Variants in ARHGAP36 observed in about 807,000 individuals in gnomAD.
The protein encoded by ARHGAP36 is Rho GTPase activating protein 36.
ARHGAP36 carries 7 observed loss-of-function variants against 32.9 expected under a neutral mutation model. That is an observed-to-expected ratio of 0.21 (90% confidence interval 0.12 to 0.40). The LOEUF is 0.40. Ranked by LOEUF, ARHGAP36 falls within the 10% of genes least tolerant of loss-of-function variation. The pLI is 1.00. For synonymous variants in ARHGAP36, 165 were observed against 168.3 expected (o/e 0.98, Z 0.15); for missense variants, 383 against 442.2 (o/e 0.87, Z 1.20).
chrX:131,084,542 A>G, intron 5 of ARHGAP36, 84 bp from the exon 6 acceptor site: 1 of 1,153,516 alleles, frequency 8.7e-7, no homozygotes, highest in Non-Finnish European at 1.2e-6. Flanking sequence ...GGAGGTCGCG[A>G]TGCAGTAGGG....
At chrX:131,073,338 A>T (rs929949131) in intron 1 of ARHGAP36, among the ~76,000 whole-genome samples, 3 of 112,537 alleles carry the variant, frequency 2.7e-5, no homozygotes, top group Non-Finnish European at 3.8e-5. Context: ...CCTAAAGGCC[A>T]TGCTCTGCAG....
chrX:131,071,890 TG>T (rs373098823), intron 1 of ARHGAP36, among the ~76,000 whole-genome samples: 4 of 110,888 alleles, frequency 3.6e-5, no homozygotes, highest in East Asian at 2.8e-4. Context: ...AGAATTCAAT[TG>T]GGGGGGGTGT....
chrX:131,086,148 G>A, intron 9 of ARHGAP36, 59 bp downstream of exon 9: 1 of 1,174,396 alleles, frequency 8.5e-7, no homozygotes, highest in Non-Finnish European at 1.2e-6. Context: ...CACAAGGCAA[G>A]GCACAGTTGT....
At position 131,083,594 on chromosome X, in the gene ARHGAP36, C is replaced by T. The variant is rs1034438629; in HGVS notation, c.320-140C>T. On this transcript the variant is annotated intron_variant, in intron 3 of 11. Transcript: ENST00000276211. ...TGCGGGGTCTTTTTGGCTAGCTCCC[C>T]AGGGAGGGGCGCTGCGGTTCTGGAG... The T allele has an allele frequency of 4.8e-6, 3 of 624,800 alleles. No individual in the cohort carries two copies. The African/African-American group carries it at 6.6e-5, about 14-fold the overall frequency. The allele number at this position is 624,800 out of a possible 1,213,427, so 51.5% of individuals were successfully genotyped here.
At chrX:131,078,751 G>A in intron 1 of ARHGAP36, 16 of 981,080 alleles carry the variant, frequency 1.6e-5, no homozygotes, top group Non-Finnish European at 2.1e-5. Context: ...AAGGTTGAAA[G>A]CAAGTAAGGC....
At chrX:131,073,943 G>A (rs1352471181) in intron 1 of ARHGAP36, among the ~76,000 whole-genome samples, 1 of 111,353 alleles carries the variant, frequency 9.0e-6, no homozygotes, top group Non-Finnish European at 1.9e-5. Context: ...AAACTACAGG[G>A]AAAAACATCT....
Position 131,081,589 on chromosome X carries a change from C to G in ARHGAP36, c.-77C>G. ...CCTCCCAGTTTTCCCTCCCCCTCTA[C>G]CCCCACCCCCATAGTTCTCTCCACC... is the stretch of plus-strand genomic sequence containing the variant. On this transcript the variant is annotated 5_prime_UTR_variant, in exon 2 of 12. Transcript: ENST00000276211. 1.1e-6 allele frequency: 1 copy of G among 875,210 alleles called. No individual in the cohort carries two copies. The highest frequency in any genetic ancestry group is 1.5e-6 in the Non-Finnish European group (1 of 666,065). 72.1% of individuals were successfully genotyped at this position (875,210 alleles called of 1,213,427 possible). A position where few individuals can be genotyped will look rare whatever the true frequency, so the allele number is the denominator to read the frequency against.
At position 131,072,570 on chromosome X, in the gene ARHGAP36, T is replaced by A. The variant is rs770052325; in HGVS notation, c.-142-8954T>A. On this transcript the variant is annotated intron_variant, in intron 1 of 11. Transcript: ENST00000276211. ...TTGGCTCTGCCACTAATTAGCTGTG[T>A]CCTTGGGTAAGTTTCTTAACCATCT... Among the ~76,000 whole-genome samples, 3 of 112,111 alleles carry A rather than the reference T, an allele frequency of 2.7e-5. No homozygotes were observed. The East Asian group carries it at 8.5e-4, about 32-fold the overall frequency.
At position 131,086,340 on chromosome X, in the gene ARHGAP36, T is replaced by C. The variant is rs775177218; in HGVS notation, c.1293T>C (p.His431=). Residue 431 remains histidine (H), a synonymous_variant, in exon 10 of 12, where the codon CAT becomes CAC. Transcript: ENST00000276211. ...NWDVLFQVPP[H]IQRQVAKRVW... is the part of the protein sequence containing the mutation. Reference sequence around the variant, plus strand: ...AATTCTACCCTCAGGTGCCTCCCCATATTCAGAGGCAGGTTGCTAAGCGCG... The same window carrying C: ...AATTCTACCCTCAGGTGCCTCCCCACATTCAGAGGCAGGTTGCTAAGCGCG... 8.3e-7 allele frequency: 1 copy of C among 1,211,676 alleles called. No individual in the cohort carries two copies. Among genetic ancestry groups the C allele is most frequent in the Non-Finnish European group, 1.1e-6 (1 of 895,427 alleles).
chrX:131,087,288 T>G (rs1013090743), intron 11 of ARHGAP36, among the ~76,000 whole-genome samples: 2 of 111,794 alleles, frequency 1.8e-5, no homozygotes, highest in African/African-American at 6.5e-5. Flanking sequence ...TCCCAGCTGT[T>G]GATGAAGTTC....
chrX:131,075,935 C>T lies in ARHGAP36; in HGVS notation c.-142-5589C>T, dbSNP rs747274800. Reference sequence around the variant, plus strand: ...AACTTTAGATAAGTCACAGCCTCTCCAAAGTCTTAGTTTGTTGCTATTGTA... The same window carrying T: ...AACTTTAGATAAGTCACAGCCTCTCTAAAGTCTTAGTTTGTTGCTATTGTA... On this transcript the variant is annotated intron_variant, in intron 1 of 11. Transcript: ENST00000276211. Among the ~76,000 whole-genome samples, 3 of 111,607 alleles carry T rather than the reference C, an allele frequency of 2.7e-5. No individual in the cohort carries two copies. In the South Asian group the frequency reaches 1.1e-3, roughly 42 times the overall value.
In ARHGAP36 at chrX:131,083,884, G is replaced by C; in HGVS notation, c.470G>C (p.Arg157Thr). The C allele has an allele frequency of 2.5e-6, 3 of 1,212,328 alleles. No homozygotes were observed. Among genetic ancestry groups the C allele is most frequent in the Non-Finnish European group, 3.3e-6 (3 of 895,675 alleles). Residue 157 changes from arginine (R) to threonine (T), a missense_variant, in exon 4 of 12, where the codon AGG becomes ACG. Physicochemically the swap from Arg to Thr is moderately conservative, Grantham distance 71. Around this residue, in one of 2 missense-constraint regions of ARHGAP36, gnomAD observed 156 missense variants for 131.0 expected, o/e 1.19. Transcript: ENST00000276211. ...AGRRRGNVVR[R>T]VFGRIRRFFS... The stretch of plus-strand genomic sequence containing the variant: ...CGTCGTCGGGGAAACGTGGTGCGAA[G>C]GGTGTTTGGCCGCATCCGGCGCTTT...
intron 1 of ARHGAP36, among the ~76,000 whole-genome samples, chrX:131,060,033 C>A (rs1337401552): frequency 3.6e-5 from 4 of 111,581 alleles, no homozygotes; most frequent in African/African-American, 1.3e-4. Context: ...GAACTTCCAC[C>A]TTCTGGCCCT....
At chrX:131,084,067 G>A in intron 4 of ARHGAP36, 98 bp downstream of exon 4, 2 of 1,060,738 alleles carry the variant, frequency 1.9e-6, no homozygotes, top group South Asian at 4.2e-5. Context: ...GAGGCAGGGG[G>A]GAGCTGAACA....
In ARHGAP36 at chrX:131,085,061, G is replaced by A; in HGVS notation, c.952G>A (p.Ala318Thr). The part of the protein sequence containing the change: ...DDLYMSFLLT[A>T]TLKPQDQLSA... ...TCTGTACATGTCATTCCTCCTGACA[G>A]CAAGTGAGTCTTCTGACCTCCCTAG... Residue 318 changes from alanine (A) to threonine (T), a missense_variant, in exon 7 of 12, where the codon GCA becomes ACA. By Grantham distance (58) the Ala-to-Thr change is moderately conservative. This residue lies in a region of ARHGAP36 where 227 missense variants were observed against 311.3 expected (regional missense o/e 0.73). Transcript: ENST00000276211. The A allele has an allele frequency of 8.3e-7, 1 of 1,208,215 alleles. No homozygotes were observed. Among genetic ancestry groups the A allele is most frequent in the Non-Finnish European group, 1.1e-6 (1 of 894,324 alleles).
chrX:131,086,226 A>G, intron 9 of ARHGAP36, 103 bp from the exon 10 acceptor site: 3 of 1,106,712 alleles, frequency 2.7e-6, no homozygotes, highest in Non-Finnish European at 3.7e-6. Context: ...TTCCTCCCAC[A>G]TTAGCTGGCC....
At chrX:131,070,636 C>T (rs1232719183) in intron 1 of ARHGAP36, among the ~76,000 whole-genome samples, 1 of 111,641 alleles carries the variant, frequency 9.0e-6, no homozygotes, top group East Asian at 2.8e-4. Context: ...GTGCTAGGTA[C>T]TTCACCTATG....
At chrX:131,082,979 T>C (rs2079812312) in intron 2 of ARHGAP36, among the ~76,000 whole-genome samples, 186 bp from the exon 3 acceptor site, 1 of 113,181 alleles carries the variant, frequency 8.8e-6, no homozygotes, top group Non-Finnish European at 1.9e-5. Flanking sequence ...AAGAGTGAGA[T>C]AGGCTTGTCC....
chrX:131,083,280 C>G, intron 3 of ARHGAP36, 50 bp downstream of exon 3: 2 of 1,137,581 alleles, frequency 1.8e-6, no homozygotes, highest in Non-Finnish European at 2.4e-6. Flanking sequence ...ATGCTAACCC[C>G]CTGTGTAGTG....
Sources: allele counts gnomAD v4.1 joint callset (sites outside exome capture counted in the v4.1 genomes callset), GRCh38; gene constraint gnomAD v4.1.1; regional missense constraint gnomAD v4.1.1; transcripts MANE v1.5; gene names NCBI Gene and HGNC (gene_info 2026-07-23, HGNC 2026-07-21).